The following CNTN6 variants were observed in gnomAD, a reference collection of about 807,000 sequenced individuals.
CNTN6 encodes contactin 6, also known as contactin-6.
A neutral mutation model predicts 122.8 loss-of-function variants in CNTN6; 137 were observed. The observed-to-expected ratio is 1.12, with a 90% CI of 0.97 to 1.29. The LOEUF is 1.29. Among genes scored for constraint, CNTN6 ranks in the 50% most tolerant of loss-of-function variants. The probability of loss-of-function intolerance (pLI) is 0.00; values close to 1 mark genes in which losing one functional copy is unlikely to be tolerated. For missense variants in CNTN6, 1,634 were observed against 1,223.4 expected (o/e 1.34, Z -5.01); for synonymous variants, 570 against 426.0 (o/e 1.34, Z -4.16).
At chr3:1,254,452 A>G (rs1201428457) in intron 4 of CNTN6, among the ~76,000 whole-genome samples, 1 of 152,218 alleles carries the variant, frequency 6.6e-6, no homozygotes, top group Admixed American at 6.5e-5. Context: ...GAATGAGAAT[A>G]AAATTTAATC....
At chr3:1,265,348 G>T (rs1221631817) in intron 4 of CNTN6, among the ~76,000 whole-genome samples, 1 of 152,132 alleles carries the variant, frequency 6.6e-6, no homozygotes, top group East Asian at 1.9e-4. Context: ...GGTAATTCCA[G>T]TGTAACCCAA....
At chr3:1,383,669 A>AC (rs1692295731) in intron 19 of CNTN6, among the ~76,000 whole-genome samples, 1 of 152,172 alleles carries the variant, frequency 6.6e-6, no homozygotes, top group African/African-American at 2.4e-5. Context: ...AAAAACAAAA[A>AC]AAAACAGCTT....
At position 1,295,784 on chromosome 3, in the gene CNTN6, C is replaced by T. The variant is rs374273792; in HGVS notation, c.638C>T (p.Pro213Leu). 3 of 1,613,908 alleles carry T rather than the reference C, an allele frequency of 1.9e-6. No homozygotes were observed. Among genetic ancestry groups the T allele is most frequent in the Non-Finnish European group, 2.5e-6 (3 of 1,179,808 alleles). ...AQRSVQGPPT[P>L]LVQRTDGVMG... ...AGAAGTGTTCAAGGTCCACCCACTC[C>T]ATTAGTGCAGCGCACTGATGGTAAG... Residue 213 changes from proline to leucine, a missense_variant, in exon 6 of 23, where the codon CCA (proline) becomes CTA (leucine). Physicochemically the swap from Pro to Leu is moderately conservative, Grantham distance 98. Coordinates refer to ENST00000446702, the MANE Select transcript of CNTN6 (RefSeq NM_001289080.2).
rs1697829467 is a variant in CNTN6 at position 1,303,693 on chromosome 3, T to G, written c.761+5702T>G. Among the ~76,000 whole-genome samples the G allele has an allele frequency of 2.0e-5, 3 of 152,254 alleles. No individual in the cohort carries two copies. The South Asian group carries it at 6.2e-4, about 32-fold the overall frequency. ...TTTTTCTCCTAGTCACAGTTCTCAT[T>G]TTTTTGCTTGTTTGGATATCTAGTA... On this transcript the variant is annotated intron_variant, in intron 7 of 22. Coordinates refer to ENST00000446702, the MANE Select transcript of CNTN6 (RefSeq NM_001289080.2).
chr3:1,278,586 A>G (rs1477557513), intron 5 of CNTN6, 78 bp downstream of exon 5: 3 of 954,576 alleles, frequency 3.1e-6, no homozygotes, highest in South Asian at 1.6e-5. Context: ...TCTTAGGCTC[A>G]GTGATCACCT....
chr3:1,361,853 G>T (rs1707512865), intron 12 of CNTN6, among the ~76,000 whole-genome samples: 1 of 152,128 alleles, frequency 6.6e-6, no homozygotes, highest in South Asian at 2.1e-4. Flanking sequence ...GCACAGAGAG[G>T]TTAGCCCCAC....
chr3:1,192,845 T>A (rs896728619), intron 2 of CNTN6, among the ~76,000 whole-genome samples: 1 of 152,164 alleles, frequency 6.6e-6, no homozygotes, highest in Non-Finnish European at 1.5e-5. Context: ...TTAGTCTACC[T>A]TCAATGCATC....
intron 2 of CNTN6, among the ~76,000 whole-genome samples, chr3:1,177,142 G>A (rs917004493): frequency 3.3e-5 from 5 of 152,116 alleles, no homozygotes; most frequent in Non-Finnish European, 5.9e-5. Flanking sequence ...GAACGTCAAC[G>A]TGATAAAAGT....
At position 1,321,851 on chromosome 3, in the gene CNTN6, T is replaced by C. The variant is rs764741013; in HGVS notation, c.946+17T>C. 22 of 1,577,142 alleles carry C rather than the reference T, an allele frequency of 1.4e-5. No homozygotes were observed. The highest frequency in any genetic ancestry group is 1.8e-5 in the Admixed American group (1 of 54,232). ...TTTTTTATGGTGAGCTAATTGGATT[T>C]CAAATATATATAAAATATTTGGTAA... On this transcript the variant is annotated intron_variant, in intron 8 of 22. Coordinates refer to ENST00000446702, the MANE Select transcript of CNTN6 (RefSeq NM_001289080.2).
intron 4 of CNTN6, among the ~76,000 whole-genome samples, chr3:1,269,934 G>A (rs1473410598): frequency 3.3e-5 from 5 of 152,248 alleles, no homozygotes; most frequent in African/African-American, 1.2e-4. Flanking sequence ...AACTTGGACT[G>A]TAAATGGATT....
At chr3:1,338,957 C>T (rs1466618193) in intron 11 of CNTN6, among the ~76,000 whole-genome samples, 1 of 151,864 alleles carries the variant, frequency 6.6e-6, no homozygotes, top group Non-Finnish European at 1.5e-5. Context: ...TTAGAAAAAG[C>T]ATTGCTGTCT....
At chr3:1,333,618 G>C (rs1025722139) in intron 11 of CNTN6, among the ~76,000 whole-genome samples, 1 of 152,012 alleles carries the variant, frequency 6.6e-6, no homozygotes, top group Non-Finnish European at 1.5e-5. Context: ...ATATGGTACT[G>C]TCTACTTTGA....
At chr3:1,172,630 G>C (rs775745227) in intron 2 of CNTN6, among the ~76,000 whole-genome samples, 17,390 of 65,234 alleles carry the variant, frequency 0.27, 1,230 homozygotes, top group South Asian at 0.39. Flanking sequence ...CTGTGTGTGT[G>C]TGTGTGTGTG....
At chr3:1,392,962 C>T (rs1694393205) in intron 20 of CNTN6, among the ~76,000 whole-genome samples, 4 of 98,490 alleles carry the variant, frequency 4.1e-5, no homozygotes, top group African/African-American at 1.2e-4. Context: ...GTTGGTGGGA[C>T]TGTAAACTAG....
At chr3:1,169,045 G>T (rs183920819) in intron 2 of CNTN6, among the ~76,000 whole-genome samples, 2 of 152,236 alleles carry the variant, frequency 1.3e-5, no homozygotes, top group Admixed American at 1.3e-4. Flanking sequence ...AGGCCAGAAT[G>T]ACTGATGGGG....
rs577596198 is a variant in CNTN6 at position 1,335,858 on chromosome 3, GTC to G, written c.1364+5927_1364+5928del. 2.6e-4 allele frequency among the ~76,000 whole-genome samples: 40 copies of G among 152,132 alleles called. No homozygotes were observed. The East Asian group carries it at 6.4e-3, about 24-fold the overall frequency. On this transcript the variant is annotated intron_variant, in intron 11 of 22. Coordinates refer to ENST00000446702, the MANE Select transcript of CNTN6 (RefSeq NM_001289080.2). ...AGCCTGGGCAACATAGTGAGACCCT[GTC>G]TCTGCAAAAAAATTTTAAAAAGGAA...
chr3:1,402,337 G>C lies in CNTN6; in HGVS notation c.2837G>C (p.Arg946Thr), dbSNP rs755321791. 3.7e-6 allele frequency: 6 copies of C among 1,608,790 alleles called. No homozygotes were observed. The African/African-American group carries it at 8.0e-5, about 22-fold the overall frequency. ...ATTCAGATTCTGTACCGGCAAAACA[G>C]ACAGAGTAAAACTCATATTTTGGAA... ...LGYKILYRQN[R>T]QSKTHILETN... The change falls in exon 22 of 23, where the codon AGA (arginine) becomes ACA (threonine). Residue 946 changes from arginine (R) to threonine (T), a missense_variant. Transcript: ENST00000446702.
intron 4 of CNTN6, among the ~76,000 whole-genome samples, chr3:1,258,049 G>C (rs1013539848): frequency 6.6e-6 from 1 of 152,046 alleles, no homozygotes. Context: ...TCCTATATCA[G>C]CTCCATCACA....
At chr3:1,146,640 T>G (rs2092728641) in intron 1 of CNTN6, among the ~76,000 whole-genome samples, 1 of 152,070 alleles carries the variant, frequency 6.6e-6, no homozygotes, top group Non-Finnish European at 1.5e-5. Context: ...GTTAAATGTC[T>G]CACAAGAGAA....
Sources: gnomAD v4.1 joint callset for allele counts (sites outside exome capture counted in the v4.1 genomes callset) on GRCh38, gnomAD v4.1.1 for gene constraint, MANE v1.5 for transcripts, NCBI Gene and HGNC (gene_info 2026-07-23, HGNC 2026-07-21) for gene names.